SORCS3: variants seen among roughly 807,000 people sequenced by gnomAD.
SORCS3 encodes the protein sortilin related VPS10 domain containing receptor 3.
SORCS3 carries 57 observed loss-of-function variants against 146.3 expected under a neutral mutation model. The observed-to-expected ratio is 0.39, with a 90% CI of 0.31 to 0.49. The LOEUF (loss-of-function observed/expected upper bound fraction) is 0.49, where lower values mean the gene tolerates loss of function less well. SORCS3 is among the 20% of genes least tolerant of loss of function. The pLI, the probability that SORCS3 is intolerant of heterozygous loss-of-function variation, is 0.92. For synonymous variants in SORCS3, 653 were observed against 618.5 expected (o/e 1.06, Z -0.83); for missense variants, 1,341 against 1,575.5 (o/e 0.85, Z 2.52).
chr10:104,993,510 G>A (rs1204481953), intron 4 of SORCS3, among the ~76,000 whole-genome samples: 2 of 152,040 alleles, frequency 1.3e-5, no homozygotes, highest in Non-Finnish European at 2.9e-5. Flanking sequence ...ATGAATGAGG[G>A]GAAAAAAGAT....
At chr10:104,997,555 T>C (rs758550873) in intron 4 of SORCS3, among the ~76,000 whole-genome samples, 5 of 152,168 alleles carry the variant, frequency 3.3e-5, no homozygotes, top group Non-Finnish European at 7.3e-5. Flanking sequence ...CTTCCAGTCT[T>C]GGGAGAAGAA....
At chr10:104,992,257 T>G (rs2054998885) in intron 4 of SORCS3, among the ~76,000 whole-genome samples, 1 of 151,912 alleles carries the variant, frequency 6.6e-6, no homozygotes, top group Admixed American at 6.6e-5. Context: ...CTGGACAAGA[T>G]TAGGAAATCA....
At chr10:104,672,811 C>T (rs896296519) in intron 1 of SORCS3, among the ~76,000 whole-genome samples, 1 of 151,970 alleles carries the variant, frequency 6.6e-6, no homozygotes, top group African/African-American at 2.4e-5. Flanking sequence ...TCTTTCATTT[C>T]CTTATATTTG....
chr10:105,216,633 G>A (rs2056666656), intron 18 of SORCS3, among the ~76,000 whole-genome samples: 1 of 152,086 alleles, frequency 6.6e-6, no homozygotes, highest in Non-Finnish European at 1.5e-5. Flanking sequence ...TGTATGTGAG[G>A]GAGTCAGTGA....
chr10:104,937,294 T>C (rs1341384140), intron 3 of SORCS3, among the ~76,000 whole-genome samples: 1 of 152,210 alleles, frequency 6.6e-6, no homozygotes, highest in African/African-American at 2.4e-5. Context: ...GGACCCTTGC[T>C]TCAAAAGGTA....
At chr10:105,128,875 T>A (rs894409855) in intron 7 of SORCS3, among the ~76,000 whole-genome samples, 1 of 152,346 alleles carries the variant, frequency 6.6e-6, no homozygotes, top group East Asian at 1.9e-4. Flanking sequence ...CATTTTATTA[T>A]GTTGTTTATT....
chr10:104,671,325 CTTTTTTTTTTTT>C (rs771029154), intron 1 of SORCS3, among the ~76,000 whole-genome samples: 4 of 19,194 alleles, frequency 2.1e-4, no homozygotes, highest in Admixed American at 1.2e-3. Context: ...CATTCTTTTC[CTTTTTTTTTTTT>C]TTTTTTTTTT....
intron 5 of SORCS3, among the ~76,000 whole-genome samples, chr10:105,076,322 A>T (rs1040124638): frequency 6.6e-6 from 1 of 152,228 alleles, no homozygotes; most frequent in Non-Finnish European, 1.5e-5. Context: ...GTTAGAAATG[A>T]TGCCCAGTGT....
chr10:104,712,521 G>C (rs1370631008), intron 1 of SORCS3, among the ~76,000 whole-genome samples: 1 of 152,196 alleles, frequency 6.6e-6, no homozygotes, highest in Non-Finnish European at 1.5e-5. Flanking sequence ...AATCCAGGTT[G>C]GGGGAGAGCT....
rs540737924 is a variant in SORCS3 at position 104,794,178 on chromosome 10, A to G, written c.628-48614A>G. On this transcript the variant is annotated intron_variant, in intron 1 of 26. Transcript: ENST00000369701. Reference sequence around the variant, plus strand: ...TCATCTTTGAATTTCTGGAGCAGTCACGATTCCAAATACTTTGTACTATTG... The same window carrying G: ...TCATCTTTGAATTTCTGGAGCAGTCGCGATTCCAAATACTTTGTACTATTG... Among the ~76,000 whole-genome samples the G allele has an allele frequency of 5.9e-5, 9 of 152,278 alleles. 1 individual carries two copies. In the South Asian group the frequency reaches 1.7e-3, roughly 28 times the overall value.
intron 1 of SORCS3, among the ~76,000 whole-genome samples, chr10:104,661,672 T>TATAGATAGATAG (rs112598598): frequency 7.2e-4 from 109 of 151,678 alleles, no homozygotes; most frequent in Middle Eastern, 6.8e-3. Context: ...GATTTGGGAA[T>TATAGATAGATAG]ATAGATAGAT....
At chr10:104,810,051 G>A (rs2017723770) in intron 1 of SORCS3, among the ~76,000 whole-genome samples, 1 of 152,192 alleles carries the variant, frequency 6.6e-6, no homozygotes, top group Admixed American at 6.5e-5. Flanking sequence ...CCGACAGAAA[G>A]CATGTTCTTG....
At chr10:104,829,610 T>G (rs2017978305) in intron 1 of SORCS3, among the ~76,000 whole-genome samples, 3 of 152,248 alleles carry the variant, frequency 2.0e-5, no homozygotes, top group African/African-American at 7.2e-5. Context: ...CTGGATTGAT[T>G]CTAAAGGCAG....
chr10:104,801,755 T>C (rs1308016638), intron 1 of SORCS3, among the ~76,000 whole-genome samples: 1 of 152,248 alleles, frequency 6.6e-6, no homozygotes, highest in East Asian at 1.9e-4. Flanking sequence ...CATTTAATTC[T>C]TACACCAAAA....
intron 1 of SORCS3, among the ~76,000 whole-genome samples, chr10:104,834,832 A>T (rs899819223): frequency 6.6e-6 from 1 of 152,028 alleles, no homozygotes; most frequent in African/African-American, 2.4e-5. Context: ...GAATGGAAAA[A>T]TTATAAGGAC....
chr10:104,975,805 T>C (rs2054893289), intron 3 of SORCS3, among the ~76,000 whole-genome samples: 1 of 152,190 alleles, frequency 6.6e-6, no homozygotes, highest in South Asian at 2.1e-4. Context: ...AAACCAGCAA[T>C]GGGGAAAGGA....
Position 105,053,568 on chromosome 10 carries a change from A to G in SORCS3, c.1028+10440A>G, listed in dbSNP as rs116758343. Among the ~76,000 whole-genome samples the G allele has an allele frequency of 4.1e-3, 623 of 152,152 alleles. 5 individuals are homozygous for G. Among genetic ancestry groups the G allele is most frequent in the African/African-American group, 0.015 (607 of 41,542 alleles). ...CTCTTAAAAAATCAAGTACGTCTTC[A>G]TAGCCTTTTTTCCCTATTATAATAT... On this transcript the variant is annotated intron_variant, in intron 5 of 26. Coordinates refer to ENST00000369701, the MANE Select transcript of SORCS3 (RefSeq NM_014978.3).
chr10:105,230,580 G>A (rs116790748), intron 20 of SORCS3, among the ~76,000 whole-genome samples: 66 of 152,264 alleles, frequency 4.3e-4, no homozygotes, highest in African/African-American at 1.6e-3. Flanking sequence ...CCAGCCCACG[G>A]CAGCAGCCCA....
At chr10:105,099,348 TATTATTACCCAAA>T (rs1232094286) in intron 6 of SORCS3, among the ~76,000 whole-genome samples, 1 of 152,146 alleles carries the variant, frequency 6.6e-6, no homozygotes, top group Non-Finnish European at 1.5e-5. Flanking sequence ...GACAATAGTA[TATTATTACCCAAA>T]GGAATGGAAG....
Sources: gnomAD v4.1 joint callset for allele counts (sites outside exome capture counted in the v4.1 genomes callset) on GRCh38, gnomAD v4.1.1 for gene constraint, MANE v1.5 for transcripts, NCBI Gene and HGNC (gene_info 2026-07-23, HGNC 2026-07-21) for gene names.